ADGRE5: variants seen among roughly 807,000 people sequenced by gnomAD.
The protein encoded by ADGRE5 is CD97 molecule.
In ADGRE5, 72 loss-of-function variants were observed where a neutral mutation model predicts 100.3. The observed-to-expected ratio is 0.72, with a 90% CI of 0.59 to 0.87. The LOEUF is 0.87. ADGRE5 is among the 40% of genes least tolerant of loss of function. ADGRE5 has a pLI of 0.00. For synonymous variants in ADGRE5, 439 were observed against 447.8 expected (o/e 0.98, Z 0.25); for missense variants, 959 against 1,094.7 (o/e 0.88, Z 1.75).
chr19:14,407,541 T>C (rs1044274514), intron 18 of ADGRE5, among the ~76,000 whole-genome samples: 2 of 151,594 alleles, frequency 1.3e-5, no homozygotes, highest in Non-Finnish European at 2.9e-5. Context: ...TCCCAGCTAC[T>C]TGGGAGGCTG....
Position 14,381,516 on chromosome 19 carries a change from C to G in ADGRE5, c.-8C>G. ...TTTCCCCTGCCGCTCCTGCCGGCAGCTCCAACCATGGGAGGCCGCGTCTTT... is the reference window on the plus strand; with the variant it reads ...TTTCCCCTGCCGCTCCTGCCGGCAGGTCCAACCATGGGAGGCCGCGTCTTT... On this transcript the variant is annotated 5_prime_UTR_variant, in exon 1 of 20. Coordinates refer to ENST00000242786, the MANE Select transcript of ADGRE5 (RefSeq NM_078481.4). 6.2e-7 allele frequency: 1 copy of G among 1,610,286 alleles called. No individual in the cohort carries two copies. Among genetic ancestry groups the G allele is most frequent in the African/African-American group, 1.3e-5 (1 of 74,442 alleles).
chr19:14,408,212 ACTCCCTCCACC>A lies in ADGRE5; in HGVS notation c.*100_*110del, dbSNP rs1976367515. On this transcript the variant is annotated 3_prime_UTR_variant, in exon 20 of 20. Transcript: ENST00000242786. ...CCATCCTCCCTTCGTCCACCACTCT[ACTCCCTCCACC>A]CTCCCTCCCTGATCCCGTGTGCCAC... 1.5e-6 allele frequency: 2 copies of A among 1,369,128 alleles called. No homozygotes were observed. The highest frequency in any genetic ancestry group is 1.4e-5 in the African/African-American group (1 of 69,336). The allele number at this position is 1,369,128 out of a possible 1,614,324, so 84.8% of individuals were successfully genotyped here.
chr19:14,405,438 C>A (rs888616588), intron 13 of ADGRE5: 2 of 322,144 alleles, frequency 6.2e-6, no homozygotes, highest in East Asian at 1.2e-4. Flanking sequence ...GCCACCACAC[C>A]CAGCCTGGAG....
In ADGRE5 at chr19:14,401,194, G is replaced by A. The variant is rs559299537; in HGVS notation, c.898-192G>A. On this transcript the variant is annotated intron_variant, in intron 9 of 19. Transcript: ENST00000242786. This position sits in a 1 kb window ranked among gnomAD's most constrained non-coding sequence, Gnocchi z 4.1. Reference sequence around the variant, plus strand: ...GCAGCCCGTGCCCAACCAGTGTTAAGCGCTGTGATTCATACGTGCATGCAG... The same window carrying A: ...GCAGCCCGTGCCCAACCAGTGTTAAACGCTGTGATTCATACGTGCATGCAG... 6.6e-6 allele frequency among the ~76,000 whole-genome samples: 1 copy of A among 152,296 alleles called. No individual in the cohort carries two copies. Among genetic ancestry groups the A allele is most frequent in the African/African-American group, 2.4e-5 (1 of 41,568 alleles).
In ADGRE5 at chr19:14,401,361, G is replaced by A. The variant is rs755855574; in HGVS notation, c.898-25G>A. The A allele has an allele frequency of 3.1e-6, 5 of 1,609,530 alleles. No individual in the cohort carries two copies. The highest frequency in any genetic ancestry group is 4.2e-6 in the Non-Finnish European group (5 of 1,177,464). ...AACCCCTGTGGTCTGATGCTCCAGC[G>A]ATTCTGTCACCCGCCACCCCCTAGA... On this transcript the variant is annotated intron_variant, in intron 9 of 19. Coordinates refer to ENST00000242786, the MANE Select transcript of ADGRE5 (RefSeq NM_078481.4). The surrounding 1 kb of genome is among the most constrained non-coding windows in gnomAD (Gnocchi z 4.1).
At position 14,397,191 on chromosome 19, in the gene ADGRE5, C is replaced by T. The variant is rs1975811993; in HGVS notation, c.593C>T (p.Ser198Phe). ...CCGGGCTGGCAACCGATTCCGGGGT[C>T]CCCCAATGGCCCAAACAATACCGTC... ...CRPGWQPIPG[S>F]PNGPNNTVCE... Residue 198 changes from serine to phenylalanine, a missense_variant, in exon 6 of 20, where the codon TCC (serine) becomes TTC (phenylalanine). Physicochemically the swap from Ser to Phe is radical, Grantham distance 155. Around this residue, in one of 6 missense-constraint regions of ADGRE5, gnomAD observed 83 missense variants for 88.8 expected, o/e 0.93. Transcript: ENST00000242786. The T allele has an allele frequency of 6.2e-6, 10 of 1,613,836 alleles. No individual in the cohort carries two copies. In the East Asian group the frequency reaches 2.0e-4, roughly 32 times the overall value.
At position 14,408,462 on chromosome 19, in the gene ADGRE5, C is replaced by T; in HGVS notation, c.*341C>T. The T allele has an allele frequency of 1.9e-6, 1 of 536,390 alleles. No homozygotes were observed. The allele number at this position is 536,390 out of a possible 1,614,324, so 33.2% of individuals were successfully genotyped here. On this transcript the variant is annotated 3_prime_UTR_variant, in exon 20 of 20. Transcript: ENST00000242786. ...CTAAGGGCGCTTGTCCCATCCTGGA[C>T]TTTTCCTCTCATGTCTTTGCTGCAG...
intron 3 of ADGRE5, among the ~76,000 whole-genome samples, chr19:14,390,543 C>T (rs1324847228): frequency 1.3e-5 from 2 of 152,040 alleles, no homozygotes; most frequent in African/African-American, 2.4e-5. Context: ...AGGCTGGTCT[C>T]GAACTCCTGA....
At chr19:14,407,767 C>T (rs1330118181) in intron 18 of ADGRE5, 141 bp from the exon 19 acceptor site, 1 of 684,982 alleles carries the variant, frequency 1.5e-6, no homozygotes, top group African/African-American at 1.8e-5. Flanking sequence ...TACACTCCAG[C>T]CTGGGTGACA....
At chr19:14,399,549 G>A (rs1017489159) in intron 9 of ADGRE5, among the ~76,000 whole-genome samples, 1 of 122,200 alleles carries the variant, frequency 8.2e-6, no homozygotes, top group African/African-American at 3.2e-5. Context: ...GGGCGACAGA[G>A]CGAGACTCCG....
chr19:14,406,418 C>T lies in ADGRE5; in HGVS notation c.1909C>T (p.Leu637Phe). 1.3e-6 allele frequency: 2 copies of T among 1,591,338 alleles called. No homozygotes were observed. Among genetic ancestry groups the T allele is most frequent in the Non-Finnish European group, 1.7e-6 (2 of 1,169,382 alleles). Reference protein sequence around the residue: ...FCWMSLEGLELYFLVVRVFQG... With the variant: ...FCWMSLEGLEFYFLVVRVFQG... ...CTGGATGAGCCTCGAAGGCCTGGAG[C>T]TCTACTTTCTTGTGGTGCGCGTGTT... Residue 637 changes from leucine to phenylalanine, a missense_variant, in exon 15 of 20, where the codon CTC (leucine) becomes TTC (phenylalanine). Leu to Phe is a conservative substitution (Grantham distance 22). Transcript: ENST00000242786. The surrounding 1 kb of genome is among the most constrained non-coding windows in gnomAD (Gnocchi z 6.0).
Position 14,388,804 on chromosome 19 carries a change from C to A in ADGRE5, c.176C>A (p.Thr59Lys). 1 of 1,603,314 alleles carries A rather than the reference C, an allele frequency of 6.2e-7. No homozygotes were observed. Among genetic ancestry groups the A allele is most frequent in the Non-Finnish European group, 8.5e-7 (1 of 1,171,722 alleles). ...TTTTCTGAGATCATCACCACCCCGA[C>A]GGAGACTTGTGACGGTACAGAGGCT... Reference protein sequence around the residue: ...SSFSEIITTPTETCDDINECA... With the variant: ...SSFSEIITTPKETCDDINECA... The change falls in exon 3 of 20, where the codon ACG becomes AAG. Residue 59 changes from threonine to lysine, a missense_variant. Around this residue, in one of 6 missense-constraint regions of ADGRE5, gnomAD observed 114 missense variants for 195.7 expected, o/e 0.58. Transcript: ENST00000242786.
At chr19:14,385,529 G>A (rs915212895) in intron 1 of ADGRE5, among the ~76,000 whole-genome samples, 2 of 152,160 alleles carry the variant, frequency 1.3e-5, no homozygotes, top group African/African-American at 4.8e-5. Flanking sequence ...GGGTCCCCCA[G>A]AACATGCCTT....
chr19:14,405,834 G>A lies in ADGRE5; in HGVS notation c.1716G>A (p.Val572=), dbSNP rs148539909. Residue 572 remains valine, a synonymous_variant, in exon 14 of 20, where the codon GTG becomes GTA. Coordinates refer to ENST00000242786, the MANE Select transcript of ADGRE5 (RefSeq NM_078481.4). ...LLLCILTFLL[V]RPIQGSRTTI... ...TGTGCATCCTCACTTTCCTGCTGGT[G>A]CGGCCCATCCAGGGCTCGCGCACCA... is the stretch of plus-strand genomic sequence containing the variant. 2.5e-6 allele frequency: 4 copies of A among 1,613,582 alleles called. No individual in the cohort carries two copies. In the African/African-American group the frequency reaches 4.0e-5, roughly 16 times the overall value.
At position 14,398,054 on chromosome 19, in the gene ADGRE5, C is replaced by T; in HGVS notation, c.820-8C>T. 2 of 1,613,672 alleles carry T rather than the reference C, an allele frequency of 1.2e-6. No homozygotes were observed. Among genetic ancestry groups the T allele is most frequent in the Non-Finnish European group, 1.7e-6 (2 of 1,179,874 alleles). ...GCTCTCTGACCCCCACATCTCCTCT[C>T]TCTGCAGACGCTTTCCCGATTCTTC... is the stretch of plus-strand genomic sequence containing the variant. On this transcript the variant is annotated splice_polypyrimidine_tract_variant and splice_region_variant and intron_variant, in intron 8 of 19. Transcript: ENST00000242786.
chr19:14,408,584 G>C lies in ADGRE5; in HGVS notation c.*463G>C. ...AGGCCCCTTGGGGCCACTGCCTGAG[G>C]CTCACGGTACAGAGGCCTGCCCTGC... On this transcript the variant is annotated 3_prime_UTR_variant, in exon 20 of 20. Coordinates refer to ENST00000242786, the MANE Select transcript of ADGRE5 (RefSeq NM_078481.4). 1 of 438,470 alleles carries C rather than the reference G, an allele frequency of 2.3e-6. No individual in the cohort carries two copies. The highest frequency in any genetic ancestry group is 4.1e-5 in the South Asian group (1 of 24,470). 27.2% of individuals were successfully genotyped at this position (438,470 alleles called of 1,614,324 possible). A position where few individuals can be genotyped will look rare whatever the true frequency, so the allele number is the denominator to read the frequency against.
Position 14,388,335 on chromosome 19 carries a change from G to A in ADGRE5, c.23-115G>A, listed in dbSNP as rs116385220. 7.0e-4 allele frequency: 1,068 copies of A among 1,535,214 alleles called. 6 individuals are homozygous for A. The African/African-American group carries it at 0.012, about 18-fold the overall frequency. ...TGACATCTGCTCACTCTGAACGACC[G>A]TCAGGATCTGAGCCTGAGAGGGGTC... is the stretch of plus-strand genomic sequence containing the variant. On this transcript the variant is annotated intron_variant, in intron 1 of 19. Coordinates refer to ENST00000242786, the MANE Select transcript of ADGRE5 (RefSeq NM_078481.4).
At position 14,406,569 on chromosome 19, in the gene ADGRE5, G is replaced by T; in HGVS notation, c.2048+12G>T. On this transcript the variant is annotated intron_variant, in intron 15 of 19. Coordinates refer to ENST00000242786, the MANE Select transcript of ADGRE5 (RefSeq NM_078481.4). This position sits in a 1 kb window ranked among gnomAD's most constrained non-coding sequence, Gnocchi z 6.0. ...GGCCGCCCCAGATAGTGAGTGCAGC[G>T]AGATGGGGCAGGAGGAAGGCGGGGT... 6.2e-7 allele frequency: 1 copy of T among 1,603,560 alleles called. No homozygotes were observed. The highest frequency in any genetic ancestry group is 1.7e-5 in the Admixed American group (1 of 58,410).
At position 14,401,904 on chromosome 19, in the gene ADGRE5, G is replaced by T. The variant is rs530286532; in HGVS notation, c.1183+144G>T. 1.8e-4 allele frequency: 93 copies of T among 523,156 alleles called. 1 individual carries two copies. The highest frequency in any genetic ancestry group is 3.0e-4 in the Non-Finnish European group (90 of 304,084). 32.4% of individuals were successfully genotyped at this position (523,156 alleles called of 1,614,324 possible). ...CCAGCATTTTGGGAGGCCCAGGTGGGTAGATCGCTTGAGCTCAGAAGTTCA... is the reference window on the plus strand; with the variant it reads ...CCAGCATTTTGGGAGGCCCAGGTGGTTAGATCGCTTGAGCTCAGAAGTTCA... On this transcript the variant is annotated intron_variant, in intron 11 of 19. Transcript: ENST00000242786. The surrounding 1 kb of genome is among the most constrained non-coding windows in gnomAD (Gnocchi z 4.1).
Sources: allele counts gnomAD v4.1 joint callset (sites outside exome capture counted in the v4.1 genomes callset), GRCh38; gene constraint gnomAD v4.1.1; regional missense constraint gnomAD v4.1.1; non-coding constraint Gnocchi (gnomAD v3.1); transcripts MANE v1.5; gene names NCBI Gene and HGNC (gene_info 2026-07-23, HGNC 2026-07-21).